Variants in WHRN observed in about 807,000 individuals in gnomAD.
The protein encoded by WHRN is whirlin, also known as CASK-interacting protein CIP98.
Under a neutral mutation model 68.3 loss-of-function variants are expected in WHRN, and 41 were observed. The observed-to-expected ratio is 0.60, with a 90% CI of 0.47 to 0.78. WHRN has a LOEUF of 0.78. WHRN is among the 30% of genes least tolerant of loss of function. WHRN has a pLI of 0.00. For missense variants in WHRN, 1,243 were observed against 1,244.7 expected (o/e 1.00, Z 0.02); for synonymous variants, 560 against 561.3 (o/e 1.00, Z 0.03).
chr9:114,406,483 A>G lies in WHRN; in HGVS notation c.2108T>C (p.Leu703Pro), dbSNP rs1392464423. 1 of 1,613,950 alleles carries G rather than the reference A, an allele frequency of 6.2e-7. No homozygotes were observed. The highest frequency in any genetic ancestry group is 8.5e-7 in the Non-Finnish European group (1 of 1,180,032). Residue 703 changes from leucine to proline, a missense_variant, in exon 9 of 12, where the codon CTT becomes CCT. Transcript: ENST00000362057. ...SAEATVAGGC[L>P]LPPSPSGHPD... Reference sequence around the variant, plus strand: ...GTGGCCAGAGGGTGATGGGGGCAGAAGGCAGCCCCCAGCCACTGTGGCCTC... The same window carrying G: ...GTGGCCAGAGGGTGATGGGGGCAGAGGGCAGCCCCCAGCCACTGTGGCCTC...
chr9:114,460,803 G>T (rs1378068017), intron 3 of WHRN, among the ~76,000 whole-genome samples: 2 of 152,224 alleles, frequency 1.3e-5, no homozygotes, highest in Non-Finnish European at 2.9e-5. Flanking sequence ...TTCTCTCCAG[G>T]GAAGCTCTGC....
intron 7 of WHRN, among the ~76,000 whole-genome samples, chr9:114,409,676 C>G (rs1230404529): frequency 6.6e-6 from 1 of 151,824 alleles, no homozygotes; most frequent in Non-Finnish European, 1.5e-5. Context: ...TCAGCCTTCA[C>G]ACTGGCTGTT....
intron 1 of WHRN, among the ~76,000 whole-genome samples, chr9:114,490,836 G>A (rs1418729004): frequency 6.6e-6 from 1 of 152,222 alleles, no homozygotes; most frequent in Admixed American, 6.5e-5. Flanking sequence ...CAGATAGGCT[G>A]TCCACCCCTT....
At chr9:114,494,770 A>G (rs1364980533) in intron 1 of WHRN, among the ~76,000 whole-genome samples, 5 of 152,226 alleles carry the variant, frequency 3.3e-5, no homozygotes, top group Non-Finnish European at 5.9e-5. Flanking sequence ...GGTGATTATG[A>G]GGCTTAACTG....
chr9:114,458,062 G>C (rs943945440), intron 3 of WHRN, among the ~76,000 whole-genome samples: 15 of 152,180 alleles, frequency 9.9e-5, no homozygotes, highest in Non-Finnish European at 2.2e-4. Context: ...ACCCTTAGCA[G>C]AGCGTAATAC....
At chr9:114,422,948 G>A (rs1836442275) in intron 7 of WHRN, among the ~76,000 whole-genome samples, 1 of 152,156 alleles carries the variant, frequency 6.6e-6, no homozygotes, top group Admixed American at 6.5e-5. Context: ...TCTACTGAGT[G>A]CCCAGCGGGA....
intron 2 of WHRN, among the ~76,000 whole-genome samples, chr9:114,475,378 A>C (rs539174301): frequency 2.0e-5 from 3 of 152,206 alleles, no homozygotes; most frequent in Admixed American, 1.3e-4. Flanking sequence ...AGGATTTGAC[A>C]GTGATTTAAG....
intron 3 of WHRN, among the ~76,000 whole-genome samples, chr9:114,434,795 AC>A (rs1837708371): frequency 6.6e-6 from 1 of 152,028 alleles, no homozygotes; most frequent in South Asian, 2.1e-4. Context: ...TAAACTGCAA[AC>A]CTGATCTCGT....
intron 1 of WHRN, among the ~76,000 whole-genome samples, chr9:114,491,318 C>T (rs1407478267): frequency 6.6e-6 from 1 of 152,170 alleles, no homozygotes; most frequent in African/African-American, 2.4e-5. Context: ...GTGGATTAAT[C>T]AGCCATTTCC....
At chr9:114,474,018 T>C (rs558435785) in intron 2 of WHRN, among the ~76,000 whole-genome samples, 1 of 152,242 alleles carries the variant, frequency 6.6e-6, no homozygotes, top group South Asian at 2.1e-4. Flanking sequence ...TGATGCAGCC[T>C]CCTCCCCTGG....
Position 114,504,837 on chromosome 9 carries a change from G to T in WHRN, c.-36C>A, listed in dbSNP as rs1481722967. The stretch of plus-strand genomic sequence containing the variant: ...AGGCCCGGCCGGGCTCTGAGCGCGC[G>T]GGGTGTGGGCGGTGCCGCTGTCCTC... On this transcript the variant is annotated 5_prime_UTR_variant, in exon 1 of 12. Coordinates refer to ENST00000362057, the MANE Select transcript of WHRN (RefSeq NM_015404.4). 4 of 1,375,696 alleles carry T rather than the reference G, an allele frequency of 2.9e-6. No homozygotes were observed. The highest frequency in any genetic ancestry group is 3.7e-6 in the Non-Finnish European group (4 of 1,076,362). 85.2% of individuals were successfully genotyped at this position (1,375,696 alleles called of 1,614,324 possible).
chr9:114,423,610 G>A (rs1836525578), intron 6 of WHRN, 87 bp from the exon 7 acceptor site: 1 of 1,348,378 alleles, frequency 7.4e-7, no homozygotes, highest in Non-Finnish European at 1.0e-6. Flanking sequence ...GGACTGGCAT[G>A]CAAACTTGAC....
intron 7 of WHRN, among the ~76,000 whole-genome samples, chr9:114,420,148 C>A (rs936296922): frequency 6.6e-6 from 1 of 152,196 alleles, no homozygotes; most frequent in Non-Finnish European, 1.5e-5. Flanking sequence ...GGTGCAGCAA[C>A]AACCCCTTCC....
chr9:114,407,542 C>G (rs550448046), intron 8 of WHRN, among the ~76,000 whole-genome samples: 17 of 152,226 alleles, frequency 1.1e-4, no homozygotes, highest in African/African-American at 1.7e-4. Context: ...CACCGGACAC[C>G]TGCACAGCTC....
intron 3 of WHRN, among the ~76,000 whole-genome samples, chr9:114,455,320 G>A (rs1247925077): frequency 6.6e-6 from 1 of 152,054 alleles, no homozygotes; most frequent in African/African-American, 2.4e-5. Context: ...CAAAGCTCAG[G>A]TGATCCACTT....
chr9:114,496,000 G>A (rs977955760), intron 1 of WHRN, among the ~76,000 whole-genome samples: 1 of 152,128 alleles, frequency 6.6e-6, no homozygotes, highest in Non-Finnish European at 1.5e-5. Context: ...ACCTCTTAAT[G>A]AGACTTTGTA....
chr9:114,466,896 C>G (rs1840751605), intron 2 of WHRN, among the ~76,000 whole-genome samples: 1 of 150,646 alleles, frequency 6.6e-6, no homozygotes, highest in Non-Finnish European at 1.5e-5. Context: ...CCCGTCACCT[C>G]AGGGGTCTGC....
In WHRN at chr9:114,463,839, G is replaced by A. The variant is rs190150243; in HGVS notation, c.963+2428C>T. Among the ~76,000 whole-genome samples, 53 of 152,276 alleles carry A rather than the reference G, an allele frequency of 3.5e-4. 1 individual carries two copies. The highest frequency in any genetic ancestry group is 3.0e-3 in the Admixed American group (46 of 15,292). On this transcript the variant is annotated intron_variant, in intron 3 of 11. Coordinates refer to ENST00000362057, the MANE Select transcript of WHRN (RefSeq NM_015404.4). ...GAATCAACTAGACCTGGCCGACACC[G>A]TGGAACATCTCCTACCCATCTGGCT... is the stretch of plus-strand genomic sequence containing the variant.
At chr9:114,407,203 G>A (rs1315701142) in intron 8 of WHRN, among the ~76,000 whole-genome samples, 1 of 152,220 alleles carries the variant, frequency 6.6e-6, no homozygotes, top group African/African-American at 2.4e-5. Context: ...CGATGAAGAG[G>A]ATGGAAATAC....
Sources: gnomAD v4.1 joint callset for allele counts (sites outside exome capture counted in the v4.1 genomes callset) on GRCh38, gnomAD v4.1.1 for gene constraint, MANE v1.5 for transcripts, NCBI Gene and HGNC (gene_info 2026-07-23, HGNC 2026-07-21) for gene names.